DPYD: variants seen among roughly 807,000 people sequenced by gnomAD.
The protein encoded by DPYD is dihydropyrimidine dehydrogenase, also known as dihydropyrimidine dehydrogenase [NADP(+)].
DPYD carries 109 observed loss-of-function variants against 116.2 expected under a neutral mutation model. That is an observed-to-expected ratio of 0.94 (90% CI 0.80 to 1.10). The LOEUF is 1.10. Among genes scored for constraint, DPYD ranks in the 50% least tolerant of loss-of-function variants. The probability of loss-of-function intolerance (pLI) is 0.00; values close to 1 mark genes in which losing one functional copy is unlikely to be tolerated. For missense variants in DPYD, 1,302 were observed against 1,254.5 expected (o/e 1.04, Z -0.57); for synonymous variants, 440 against 432.0 (o/e 1.02, Z -0.23).
chr1:97,397,363 A>G (rs753995682), intron 14 of DPYD, among the ~76,000 whole-genome samples: 47 of 152,214 alleles, frequency 3.1e-4, no homozygotes, highest in Non-Finnish European at 5.0e-4. Flanking sequence ...ATATTGACAC[A>G]GCATCATCAT....
chr1:97,346,486 G>A (rs1396678691), intron 16 of DPYD, among the ~76,000 whole-genome samples: 2 of 151,474 alleles, frequency 1.3e-5, no homozygotes, highest in Non-Finnish European at 3.0e-5. Context: ...TTTCCTCATG[G>A]TATTTTTTGA....
intron 8 of DPYD, among the ~76,000 whole-genome samples, chr1:97,644,334 G>A (rs771090142): frequency 2.6e-5 from 4 of 152,166 alleles, no homozygotes; most frequent in Admixed American, 1.3e-4. Context: ...TCTTGCCATC[G>A]CTTTCTGACC....
At chr1:97,239,210 T>C (rs1662153359) in intron 18 of DPYD, among the ~76,000 whole-genome samples, 1 of 152,170 alleles carries the variant, frequency 6.6e-6, no homozygotes, top group African/African-American at 2.4e-5. Context: ...AATTGATTCA[T>C]GTTTCAGAAA....
chr1:97,879,800 G>T (rs1231627377), intron 2 of DPYD, among the ~76,000 whole-genome samples: 3 of 151,768 alleles, frequency 2.0e-5, no homozygotes, highest in African/African-American at 7.3e-5. Context: ...AACGATTTTA[G>T]ACTACTTATT....
In DPYD at chr1:97,720,108, G is replaced by A. The variant is rs72977731; in HGVS notation, c.483+1402C>T. 105 of 984,866 alleles carry A rather than the reference G, an allele frequency of 1.1e-4. No homozygotes were observed. In the African/African-American group the frequency reaches 1.7e-3, roughly 16 times the overall value. The allele number at this position is 984,866 out of a possible 1,614,324, so 61.0% of individuals were successfully genotyped here. On this transcript the variant is annotated intron_variant, in intron 5 of 22. Transcript: ENST00000370192. ...AGAAAAGAATTAAAACCATGTGAGA[G>A]TTTCCAGAGGAATAATGTATTTCCC...
intron 16 of DPYD, among the ~76,000 whole-genome samples, chr1:97,371,602 C>T (rs1379373530): frequency 2.0e-5 from 3 of 152,188 alleles, no homozygotes; most frequent in Non-Finnish European, 4.4e-5. Flanking sequence ...GTCAGAGTCA[C>T]AGAAAAGCAT....
At chr1:97,790,529 T>C (rs1003229266) in intron 3 of DPYD, among the ~76,000 whole-genome samples, 4 of 152,204 alleles carry the variant, frequency 2.6e-5, no homozygotes, top group East Asian at 1.9e-4. Context: ...GTGATTTATA[T>C]GGTTCTCTTA....
intron 3 of DPYD, among the ~76,000 whole-genome samples, chr1:97,747,873 CT>C (rs1243334505): frequency 6.6e-6 from 1 of 152,156 alleles, no homozygotes; most frequent in Non-Finnish European, 1.5e-5. Flanking sequence ...TCTGACATGA[CT>C]TTTCTCATTT....
intron 16 of DPYD, among the ~76,000 whole-genome samples, chr1:97,338,228 T>C (rs192722793): frequency 4.6e-5 from 7 of 152,258 alleles, no homozygotes; most frequent in African/African-American, 1.7e-4. Flanking sequence ...ATAAAAAAAA[T>C]TGTATACGGT....
intron 19 of DPYD, among the ~76,000 whole-genome samples, chr1:97,227,938 T>A (rs934988695): frequency 3.3e-5 from 5 of 152,166 alleles, no homozygotes; most frequent in African/African-American, 1.2e-4. Context: ...AATGATGCTG[T>A]AACCTAGGTT....
chr1:97,672,117 G>T (rs1350478625), intron 8 of DPYD, among the ~76,000 whole-genome samples: 4 of 151,428 alleles, frequency 2.6e-5, no homozygotes, highest in Non-Finnish European at 4.4e-5. Context: ...AAGATTCAGA[G>T]GTCTCTAAAA....
chr1:97,346,518 T>G (rs1377460798), intron 16 of DPYD, among the ~76,000 whole-genome samples: 1 of 152,002 alleles, frequency 6.6e-6, no homozygotes, highest in African/African-American at 2.4e-5. Flanking sequence ...TAACAAACTT[T>G]TATGATCTCT....
rs55846082 is a variant in DPYD, at chr1:97,306,149, G to A, written c.2179+28C>T. The A allele has an allele frequency of 5.3e-5, 86 of 1,611,496 alleles. No individual in the cohort carries two copies. The African/African-American group carries it at 6.7e-4, about 13-fold the overall frequency. On this transcript the variant is annotated intron_variant, in intron 17 of 22. Transcript: ENST00000370192. ...AATGTGGGCCAATATTTACAATAGC[G>A]GGCAACTGATTCAAGTCAAGTTCTT...
At chr1:97,749,910 T>C (rs1664780410) in intron 3 of DPYD, among the ~76,000 whole-genome samples, 1 of 152,120 alleles carries the variant, frequency 6.6e-6, no homozygotes, top group African/African-American at 2.4e-5. Flanking sequence ...TAATCTTATT[T>C]CACCTGGACC....
At chr1:97,683,396 G>T (rs1019675408) in intron 7 of DPYD, among the ~76,000 whole-genome samples, 1 of 151,574 alleles carries the variant, frequency 6.6e-6, no homozygotes, top group African/African-American at 2.4e-5. Context: ...TTAAGAAAAA[G>T]GTAATACCTC....
intron 21 of DPYD, among the ~76,000 whole-genome samples, chr1:97,094,114 C>T (rs560672365): frequency 1.8e-4 from 27 of 152,126 alleles, no homozygotes; most frequent in African/African-American, 6.3e-4. Flanking sequence ...TTGTTACTTT[C>T]TCAGTCTTCA....
chr1:97,721,541 T>C lies in DPYD; in HGVS notation c.452A>G (p.Asn151Ser). ...AGCAAATTGCTGCAATCCACCAATATTAATGGGTCCCTCTTCAGTGGCATA... is the reference window on the plus strand; with the variant it reads ...AGCAAATTGCTGCAATCCACCAATACTAATGGGTCCCTCTTCAGTGGCATA... ...NLYATEEGPI[N>S]IGGLQQFATE... Residue 151 changes from asparagine to serine, a missense_variant, in exon 5 of 23, where the codon AAT (asparagine) becomes AGT (serine). Coordinates refer to ENST00000370192, the MANE Select transcript of DPYD (RefSeq NM_000110.4). 6.2e-7 allele frequency: 1 copy of C among 1,611,616 alleles called. No individual in the cohort carries two copies. The highest frequency in any genetic ancestry group is 1.3e-5 in the African/African-American group (1 of 74,866).
chr1:97,831,274 A>T (rs539696312), intron 2 of DPYD, among the ~76,000 whole-genome samples: 2 of 152,330 alleles, frequency 1.3e-5, no homozygotes, highest in African/African-American at 4.8e-5. Flanking sequence ...ATCTGCTCAA[A>T]CTTCTCATAA....
chr1:97,684,832 C>T (rs1210182843), intron 7 of DPYD, among the ~76,000 whole-genome samples: 1 of 152,086 alleles, frequency 6.6e-6, no homozygotes, highest in Non-Finnish European at 1.5e-5. Context: ...ATAACAAGTT[C>T]TGAAATTGAA....
Sources: allele counts gnomAD v4.1 joint callset (sites outside exome capture counted in the v4.1 genomes callset), GRCh38; gene constraint gnomAD v4.1.1; transcripts MANE v1.5; gene names NCBI Gene and HGNC (gene_info 2026-07-23, HGNC 2026-07-21).